The following CETN3 variants were observed in gnomAD, a reference collection of about 807,000 sequenced individuals.
CETN3 encodes centrin-3.
A neutral mutation model predicts 20.1 loss-of-function variants in CETN3; 17 were observed. The ratio of observed to expected loss-of-function variants is 0.85; its 90% CI spans 0.58 to 1.27. The LOEUF is 1.27. Among genes scored for constraint, CETN3 ranks in the 50% most tolerant of loss-of-function variants. CETN3 has a pLI of 0.00. For missense variants in CETN3, 169 were observed against 191.2 expected (o/e 0.88, Z 0.69); for synonymous variants, 52 against 59.7 (o/e 0.87, Z 0.59).
Position 90,405,721 on chromosome 5 carries a change from T to G in CETN3, c.232A>C (p.Thr78Pro), listed in dbSNP as rs1561408519. The change falls in exon 3 of 5, where the codon ACA (threonine) becomes CCA (proline). Residue 78 changes from threonine (T) to proline (P), a missense_variant. Coordinates refer to ENST00000283122, the MANE Select transcript of CETN3 (RefSeq NM_004365.4). ...AAATCTTCAAAGGTGATTTTCCCTGTGGCTTCTCTGTCATAATCTTTAAGA... is the reference window on the plus strand; with the variant it reads ...AAATCTTCAAAGGTGATTTTCCCTGGGGCTTCTCTGTCATAATCTTTAAGA... Reference protein sequence around the residue: ...KILKDYDREATGKITFEDFNE... With the variant: ...KILKDYDREAPGKITFEDFNE... The G allele has an allele frequency of 5.6e-6, 9 of 1,612,660 alleles. No individual in the cohort carries two copies. Among genetic ancestry groups the G allele is most frequent in the Non-Finnish European group, 6.8e-6 (8 of 1,178,918 alleles).
intron 3 of CETN3, among the ~76,000 whole-genome samples, chr5:90,402,122 GA>G (rs935654564): frequency 6.6e-6 from 1 of 152,110 alleles, no homozygotes; most frequent in African/African-American, 2.4e-5. Context: ...AAAGTGCTGG[GA>G]TTACAGGCAT....
At position 90,393,721 on chromosome 5, in the gene CETN3, TAATAA is replaced by T. The variant is rs1749070524; in HGVS notation, c.*338_*342del. 1 of 158,738 alleles carries T rather than the reference TAATAA, an allele frequency of 6.3e-6. No homozygotes were observed. Among genetic ancestry groups the T allele is most frequent in the Non-Finnish European group, 1.4e-5 (1 of 72,200 alleles). 9.8% of individuals were successfully genotyped at this position (158,738 alleles called of 1,614,324 possible). ...ACAAATTTACCAAACTTTAAAATTC[TAATAA>T]AATAAATATTTTATTAACGAAAGTC... On this transcript the variant is annotated 3_prime_UTR_variant, in exon 5 of 5. Coordinates refer to ENST00000283122, the MANE Select transcript of CETN3 (RefSeq NM_004365.4).
chr5:90,396,369 G>C lies in CETN3; in HGVS notation c.461-2262C>G, dbSNP rs530086282. The C allele has an allele frequency of 1.0e-5, 14 of 1,360,166 alleles. No individual in the cohort carries two copies. In the African/African-American group the frequency reaches 1.8e-4, roughly 17 times the overall value. The allele number at this position is 1,360,166 out of a possible 1,614,324, so 84.3% of individuals were successfully genotyped here. ...CAAGAATCTTACAAATTGATGTAGT[G>C]ATCTTTAACCTTTGCAGTTAAATAG... On this transcript the variant is annotated intron_variant, in intron 4 of 4. Coordinates refer to ENST00000283122, the MANE Select transcript of CETN3 (RefSeq NM_004365.4).
chr5:90,395,801 A>T, intron 4 of CETN3: 1 of 805,410 alleles, frequency 1.2e-6, no homozygotes, highest in Non-Finnish European at 1.5e-6. Context: ...GAGAATATTC[A>T]TAATGAACAG....
rs769215590 is a variant in CETN3, at chr5:90,399,429, A to T, written c.389T>A (p.Leu130Ter). 1.1e-5 allele frequency: 18 copies of T among 1,613,912 alleles called. No homozygotes were observed. The highest frequency in any genetic ancestry group is 1.4e-5 in the Non-Finnish European group (17 of 1,179,980). Residue 130 changes from leucine (L) to a stop codon, truncating the protein, a stop_gained, in exon 4 of 5, where the codon TTG becomes TAG. Coordinates refer to ENST00000283122, the MANE Select transcript of CETN3 (RefSeq NM_004365.4). LOFTEE classifies it high-confidence loss of function. ...LRNLRRVARE[L>*]GENMSDEELR... The stretch of plus-strand genomic sequence containing the variant: ...TTCTTCATCACTCATGTTTTCACCC[A>T]ATTCTCTAGCAACACGTCGCAAATT...
intron 2 of CETN3, 130 bp downstream of exon 2, chr5:90,407,569 A>G (rs1306161549): frequency 3.6e-6 from 2 of 551,502 alleles, no homozygotes; most frequent in Non-Finnish European, 5.7e-6. Flanking sequence ...CTAACTATGA[A>G]TGCTTAAAAT....
At chr5:90,396,550 G>C (rs1205058176) in intron 4 of CETN3, 1 of 1,532,954 alleles carries the variant, frequency 6.5e-7, no homozygotes, top group African/African-American at 1.4e-5. Flanking sequence ...GGAAGCAAGA[G>C]TATGTTCTTA....
intron 2 of CETN3, 138 bp downstream of exon 2, chr5:90,407,561 A>G (rs1749483549): frequency 1.9e-6 from 1 of 514,054 alleles, no homozygotes; most frequent in African/African-American, 2.0e-5. Flanking sequence ...TACAGCATCT[A>G]ACTATGAATG....
chr5:90,400,152 A>G (rs942629439), intron 3 of CETN3, among the ~76,000 whole-genome samples: 3 of 152,204 alleles, frequency 2.0e-5, no homozygotes, highest in Admixed American at 6.5e-5. Flanking sequence ...CAAAATTTAC[A>G]AAGTAGTAAA....
At chr5:90,394,135 C>A in intron 4 of CETN3, 28 bp from the exon 5 acceptor site, 1 of 1,440,628 alleles carries the variant, frequency 6.9e-7, no homozygotes, top group South Asian at 1.2e-5. Context: ...ATGAAATAGT[C>A]AGAAATATAA....
At chr5:90,401,971 C>T (rs1185792366) in intron 3 of CETN3, among the ~76,000 whole-genome samples, 1 of 152,146 alleles carries the variant, frequency 6.6e-6, no homozygotes, top group Non-Finnish European at 1.5e-5. Flanking sequence ...ACCTCAACCT[C>T]CAAAGTAGCT....
intron 3 of CETN3, among the ~76,000 whole-genome samples, chr5:90,404,414 G>A (rs2151883636): frequency 6.6e-6 from 1 of 152,206 alleles, no homozygotes; most frequent in Middle Eastern, 3.4e-3. Flanking sequence ...ACAATCTAAG[G>A]TAAAACTAGG....
Position 90,407,796 on chromosome 5 carries a change from C to CA in CETN3, c.55_56insT (p.Arg19MetfsTer6). On this transcript the variant is annotated frameshift_variant, in exon 2 of 5. Transcript: ENST00000283122. LOFTEE classifies it high-confidence loss of function. ...TTTCTGTTCCTCAGACAGTTCTCTT[C>CA]TTTTTTTCCTCTTTGTTTTGTCCAC... 1 of 1,601,616 alleles carries CA rather than the reference C, an allele frequency of 6.2e-7. No individual in the cohort carries two copies. Among genetic ancestry groups the CA allele is most frequent in the South Asian group, 1.1e-5 (1 of 88,492 alleles).
chr5:90,403,075 A>G (rs1329398720), intron 3 of CETN3, among the ~76,000 whole-genome samples: 1 of 152,262 alleles, frequency 6.6e-6, no homozygotes. Context: ...GTTACTCACT[A>G]GCCTCAGGCT....
At chr5:90,398,902 CCA>C (rs1287732868) in intron 4 of CETN3, 1 of 209,798 alleles carries the variant, frequency 4.8e-6, no homozygotes, top group Non-Finnish European at 9.7e-6. Flanking sequence ...TTGTGTAGCA[CCA>C]GTCAACACGC....
At position 90,395,916 on chromosome 5, in the gene CETN3, G is replaced by A. The variant is rs188050247; in HGVS notation, c.461-1809C>T. 2.0e-4 allele frequency: 184 copies of A among 920,562 alleles called. 1 individual carries two copies. In the Middle Eastern group the frequency reaches 2.3e-3, roughly 11 times the overall value. 57.0% of individuals were successfully genotyped at this position (920,562 alleles called of 1,614,324 possible). On this transcript the variant is annotated intron_variant, in intron 4 of 4. Transcript: ENST00000283122. ...GGTTCTAGAAACCACATAGAAAACC[G>A]GTTTTGATAACTATGTTAGTCAGTT...
intron 2 of CETN3, among the ~76,000 whole-genome samples, chr5:90,406,893 G>T (rs1417125822): frequency 6.7e-6 from 1 of 148,898 alleles, no homozygotes; most frequent in South Asian, 2.1e-4. Flanking sequence ...AAAGAGGACT[G>T]CAAGATTGAG....
intron 4 of CETN3, among the ~76,000 whole-genome samples, chr5:90,396,748 A>G (rs1469634623): frequency 6.6e-6 from 1 of 152,144 alleles, no homozygotes; most frequent in Non-Finnish European, 1.5e-5. Flanking sequence ...AGTTTCATAT[A>G]TAAGTTTGAA....
At chr5:90,408,374 A>T (rs1749520221) in intron 1 of CETN3, among the ~76,000 whole-genome samples, 2 of 152,236 alleles carry the variant, frequency 1.3e-5, no homozygotes, top group Admixed American at 1.3e-4. Context: ...AAATGTTTTT[A>T]GATTACACGT....
Sources: gnomAD v4.1 joint callset for allele counts (sites outside exome capture counted in the v4.1 genomes callset) on GRCh38, gnomAD v4.1.1 for gene constraint, MANE v1.5 for transcripts, NCBI Gene and HGNC (gene_info 2026-07-23, HGNC 2026-07-21) for gene names.